The following TWSG1 variants were observed in gnomAD, a reference collection of about 807,000 sequenced individuals.
TWSG1 encodes the protein twisted gastrulation protein homolog 1.
In TWSG1, 15 loss-of-function variants were observed where a neutral mutation model predicts 23.0. The observed-to-expected ratio is 0.65, with a 90% CI of 0.44 to 1.00. The LOEUF (loss-of-function observed/expected upper bound fraction) is 1.00. Ranked by LOEUF, TWSG1 falls within the 50% of genes least tolerant of loss-of-function variation. The probability of loss-of-function intolerance (pLI) is 0.00; values close to 1 mark genes in which losing one functional copy is unlikely to be tolerated. For synonymous variants in TWSG1, 86 were observed against 92.8 expected, an observed-to-expected ratio of 0.93 and a Z score of 0.42; for missense variants, 242 against 278.7, an observed-to-expected ratio of 0.87 and a Z score of 0.94.
intron 2 of TWSG1, 39 bp from the exon 3 acceptor site, chr18:9,359,933 T>C (rs371843498): frequency 3.9e-6 from 6 of 1,546,942 alleles, no homozygotes; most frequent in Non-Finnish European, 5.3e-6. Context: ...TATATATGAT[T>C]ATTTGGAATT....
At chr18:9,376,080 A>C (rs7244942) in intron 3 of TWSG1, among the ~76,000 whole-genome samples, 27,797 of 151,952 alleles carry the variant, frequency 0.18, 2,697 homozygotes, top group East Asian at 0.24. Context: ...ATGCCCAGCT[A>C]ATTTTTTTGT....
At chr18:9,374,465 C>T (rs1452412930) in intron 3 of TWSG1, among the ~76,000 whole-genome samples, 1 of 152,040 alleles carries the variant, frequency 6.6e-6, no homozygotes, top group Non-Finnish European at 1.5e-5. Context: ...CACAATCTGC[C>T]AAAACTCACA....
chr18:9,364,111 C>T (rs553161530), intron 3 of TWSG1, among the ~76,000 whole-genome samples: 1 of 152,358 alleles, frequency 6.6e-6, no homozygotes, highest in South Asian at 2.1e-4. Context: ...CTCCCCCTCT[C>T]TCCCATCCTT....
chr18:9,396,224 A>G (rs2040734886), intron 3 of TWSG1, 56 bp from the exon 4 acceptor site: 1 of 1,459,378 alleles, frequency 6.9e-7, no homozygotes, highest in Admixed American at 1.8e-5. Context: ...AATGTGTTAT[A>G]GCTCTGATTG....
intron 4 of TWSG1, 48 bp from the exon 5 acceptor site, chr18:9,399,298 T>C: frequency 7.2e-7 from 1 of 1,384,888 alleles, no homozygotes; most frequent in Non-Finnish European, 9.8e-7. Context: ...TTTTATTTTT[T>C]TGTTTTTCTT....
intron 3 of TWSG1, among the ~76,000 whole-genome samples, chr18:9,384,648 T>C (rs975681130): frequency 2.1e-4 from 26 of 123,556 alleles, no homozygotes; most frequent in Admixed American, 3.7e-4. Context: ...GTGCTTTCCC[T>C]TTTTTTTTTT....
At chr18:9,360,865 G>C (rs9956536) in intron 3 of TWSG1, among the ~76,000 whole-genome samples, 1 of 151,884 alleles carries the variant, frequency 6.6e-6, no homozygotes, top group Non-Finnish European at 1.5e-5. Flanking sequence ...ACTTTTCAGC[G>C]TTGCACTGCT....
chr18:9,382,508 G>A (rs975826951), intron 3 of TWSG1, among the ~76,000 whole-genome samples: 4 of 151,584 alleles, frequency 2.6e-5, no homozygotes, highest in Non-Finnish European at 4.4e-5. Context: ...AGGTGACAGA[G>A]TGAGACTCTG....
chr18:9,392,109 T>C (rs1605475), intron 3 of TWSG1, among the ~76,000 whole-genome samples: 150,389 of 152,356 alleles, frequency 0.99, 74,270 homozygotes, highest in Middle Eastern at 1. Flanking sequence ...CCAAAGTTAC[T>C]AGCTGCATTA....
intron 3 of TWSG1, among the ~76,000 whole-genome samples, chr18:9,388,804 C>T (rs961016954): frequency 6.6e-6 from 1 of 152,338 alleles, no homozygotes; most frequent in Middle Eastern, 3.4e-3. Context: ...GTCTTCCTGC[C>T]TCAGCCTCCC....
chr18:9,337,437 A>G, intron 2 of TWSG1, 85 bp downstream of exon 2: 2 of 1,454,682 alleles, frequency 1.4e-6, no homozygotes, highest in Non-Finnish European at 1.9e-6. Context: ...GAGTGCATAT[A>G]TCATATAGAG....
At chr18:9,363,681 A>C (rs1262857004) in intron 3 of TWSG1, among the ~76,000 whole-genome samples, 3 of 152,228 alleles carry the variant, frequency 2.0e-5, no homozygotes, top group South Asian at 2.1e-4. Flanking sequence ...GCTGGAGTGC[A>C]CTGGTGCAGT....
At chr18:9,356,787 A>C (rs1472951764) in intron 2 of TWSG1, among the ~76,000 whole-genome samples, 1 of 152,094 alleles carries the variant, frequency 6.6e-6, no homozygotes, top group Admixed American at 6.6e-5. Flanking sequence ...GTATAATGCA[A>C]ATATTACAAA....
chr18:9,337,985 TC>T (rs1186759515), intron 2 of TWSG1, among the ~76,000 whole-genome samples: 1 of 152,192 alleles, frequency 6.6e-6, no homozygotes, highest in Non-Finnish European at 1.5e-5. Flanking sequence ...GCCACCACTC[TC>T]ATTTTTCTGG....
At chr18:9,396,570 TC>T in intron 4 of TWSG1, 24 bp downstream of exon 4, 1 of 1,602,266 alleles carries the variant, frequency 6.2e-7, no homozygotes, top group Non-Finnish European at 8.5e-7. Flanking sequence ...GTTGACTTTT[TC>T]CATTCCGCCC....
Position 9,372,194 on chromosome 18 carries a change from G to T in TWSG1, c.223+12123G>T, listed in dbSNP as rs140909245. 2.9e-3 allele frequency among the ~76,000 whole-genome samples: 442 copies of T among 151,208 alleles called. 3 individuals carry two copies. The highest frequency in any genetic ancestry group is 0.01 in the African/African-American group (426 of 41,282). On this transcript the variant is annotated intron_variant, in intron 3 of 4. Coordinates refer to ENST00000262120, the MANE Select transcript of TWSG1 (RefSeq NM_020648.6). ...GTATATACAGTAGTTCCCCCTTATC[G>T]GTGGGAGATACATTCCAGGGCCCAC...
At chr18:9,339,420 A>G (rs112785072) in intron 2 of TWSG1, among the ~76,000 whole-genome samples, 113 of 152,136 alleles carry the variant, frequency 7.4e-4, no homozygotes, top group African/African-American at 2.6e-3. Context: ...AGCTGGGACT[A>G]CAGGCACGTG....
chr18:9,392,867 A>T lies in TWSG1; in HGVS notation c.224-3413A>T, dbSNP rs2040718825. On this transcript the variant is annotated intron_variant, in intron 3 of 4. Coordinates refer to ENST00000262120, the MANE Select transcript of TWSG1 (RefSeq NM_020648.6). ...TCTTATTTCAATATTGCTGTGTCTC[A>T]GGGAAAAGGAGGCCAAAAGAGAGGG... is the stretch of plus-strand genomic sequence containing the variant. Among the ~76,000 whole-genome samples, 3 of 152,186 alleles carry T rather than the reference A, an allele frequency of 2.0e-5. No homozygotes were observed. The South Asian group carries it at 6.2e-4, about 32-fold the overall frequency.
At chr18:9,362,587 GTGTA>G (rs2040557403) in intron 3 of TWSG1, among the ~76,000 whole-genome samples, 1 of 152,208 alleles carries the variant, frequency 6.6e-6, no homozygotes, top group Admixed American at 6.5e-5. Flanking sequence ...CTAAAATAAT[GTGTA>G]TGTATGTGTG....
Sources: gnomAD v4.1 joint callset for allele counts (sites outside exome capture counted in the v4.1 genomes callset) on GRCh38, gnomAD v4.1.1 for gene constraint, MANE v1.5 for transcripts, NCBI Gene and HGNC (gene_info 2026-07-23, HGNC 2026-07-21) for gene names.